Variants in INTU observed in about 807,000 individuals in gnomAD.
INTU encodes protein inturned.
INTU carries 68 observed loss-of-function variants against 100.5 expected under a neutral mutation model. The ratio of observed to expected loss-of-function variants is 0.68; its 90% CI spans 0.56 to 0.83. INTU has a LOEUF of 0.83. Ranked by LOEUF, INTU falls within the 40% of genes least tolerant of loss-of-function variation. The pLI is 0.00. For missense variants in INTU, 1,071 were observed against 1,114.7 expected (o/e 0.96, Z 0.56); for synonymous variants, 357 against 395.7 (o/e 0.90, Z 1.16).
chr4:127,645,880 A>G (rs1047372397), intron 2 of INTU, among the ~76,000 whole-genome samples: 1 of 151,880 alleles, frequency 6.6e-6, no homozygotes, highest in Non-Finnish European at 1.5e-5. Context: ...TGTTGTTTTA[A>G]GCCTCAGAAT....
intron 6 of INTU, among the ~76,000 whole-genome samples, chr4:127,678,252 G>A (rs954418692): frequency 2.0e-5 from 3 of 151,838 alleles, no homozygotes; most frequent in African/African-American, 7.3e-5. Flanking sequence ...TACAGAGAAC[G>A]CCACAAAGAT....
intron 4 of INTU, among the ~76,000 whole-genome samples, chr4:127,666,884 C>G (rs905954070): frequency 7.2e-5 from 11 of 152,052 alleles, no homozygotes; most frequent in Non-Finnish European, 1.6e-4. Context: ...CTATTTTATC[C>G]AAAAGGATGC....
intron 8 of INTU, among the ~76,000 whole-genome samples, chr4:127,696,051 G>A (rs1318195292): frequency 6.6e-6 from 1 of 151,970 alleles, no homozygotes; most frequent in African/African-American, 2.4e-5. Context: ...CCTTGGCTGT[G>A]GTGTATATTT....
intron 2 of INTU, among the ~76,000 whole-genome samples, chr4:127,653,823 G>C (rs1239044695): frequency 6.6e-6 from 1 of 151,744 alleles, no homozygotes; most frequent in Non-Finnish European, 1.5e-5. Flanking sequence ...ACAGTGGGGT[G>C]TTAAAGTCTC....
chr4:127,690,105 A>G (rs925586972), intron 8 of INTU, among the ~76,000 whole-genome samples: 9 of 152,208 alleles, frequency 5.9e-5, no homozygotes, highest in African/African-American at 1.9e-4. Context: ...ATTTAGATAC[A>G]TTAAATATTA....
Position 127,697,947 on chromosome 4 carries a change from C to A in INTU, c.1450-2063C>A, listed in dbSNP as rs1396709985. ...ACCAGCCTGACCAACATGGAGAAACCCCGTCTCTACTAAAAATACAAAATA... is the reference window on the plus strand; with the variant it reads ...ACCAGCCTGACCAACATGGAGAAACACCGTCTCTACTAAAAATACAAAATA... On this transcript the variant is annotated intron_variant, in intron 8 of 15. Transcript: ENST00000335251. 2.6e-5 allele frequency among the ~76,000 whole-genome samples: 4 copies of A among 152,138 alleles called. No homozygotes were observed. The East Asian group carries it at 7.7e-4, about 29-fold the overall frequency.
rs146704142 is a variant in INTU, at chr4:127,641,960, A to C, written c.147-1561A>C. Among the ~76,000 whole-genome samples the C allele has an allele frequency of 1.6e-3, 241 of 152,274 alleles. 1 individual carries two copies. Among genetic ancestry groups the C allele is most frequent in the African/African-American group, 5.5e-3 (227 of 41,566 alleles). On this transcript the variant is annotated intron_variant, in intron 1 of 15. Coordinates refer to ENST00000335251, the MANE Select transcript of INTU (RefSeq NM_015693.4). ...ATATCTCTAATACAAATAACTTACC[A>C]GGTTAAAAGGGTGAGATAATAAGGC...
Position 127,661,248 on chromosome 4 carries a change from A to G in INTU, c.769-2133A>G, listed in dbSNP as rs554649907. Among the ~76,000 whole-genome samples the G allele has an allele frequency of 8.5e-5, 13 of 152,286 alleles. 1 individual carries two copies. The South Asian group carries it at 2.7e-3, about 32-fold the overall frequency. On this transcript the variant is annotated intron_variant, in intron 3 of 15. Coordinates refer to ENST00000335251, the MANE Select transcript of INTU (RefSeq NM_015693.4). ...CCAAGTATAACACTAGTTTTCAAGTATGTTGTTTTTCACCAAGCATAGCAA... is the reference window on the plus strand; with the variant it reads ...CCAAGTATAACACTAGTTTTCAAGTGTGTTGTTTTTCACCAAGCATAGCAA...
At position 127,703,315 on chromosome 4, in the gene INTU, TA is replaced by T. The variant is rs545733300; in HGVS notation, c.1504-909del. Among the ~76,000 whole-genome samples, 582 of 152,318 alleles carry T rather than the reference TA, an allele frequency of 3.8e-3. 4 individuals carry two copies. The highest frequency in any genetic ancestry group is 0.014 in the Middle Eastern group (4 of 294). On this transcript the variant is annotated intron_variant, in intron 9 of 15. Transcript: ENST00000335251. ...GTTTTTTAAAAAGAAAAAAAACTTATAAAAGTAATAGCTGTGTACGGGGTGA... is the reference window on the plus strand; with the variant it reads ...GTTTTTTAAAAAGAAAAAAAACTTATAAAGTAATAGCTGTGTACGGGGTGA...
Position 127,706,902 on chromosome 4 carries a change from A to G in INTU, c.2204A>G (p.Asp735Gly). 2 of 1,613,980 alleles carry G rather than the reference A, an allele frequency of 1.2e-6. No homozygotes were observed. The highest frequency in any genetic ancestry group is 1.7e-5 in the Admixed American group (1 of 60,004). Residue 735 changes from aspartate to glycine, a missense_variant, in exon 12 of 16, where the codon GAT becomes GGT. Transcript: ENST00000335251. The stretch of plus-strand genomic sequence containing the variant: ...GGCTTTAGCCCCCATACTACACCGG[A>G]TGCAGTACGGAAGCAAAGAGAATCT... ...DDGFSPHTTPDAVRKQRESQG... is the reference protein window; with the variant it reads ...DDGFSPHTTPGAVRKQRESQG...
At position 127,632,974 on chromosome 4, in the gene INTU, C is replaced by G; in HGVS notation, c.-61C>G. The G allele has an allele frequency of 6.5e-7, 1 of 1,544,578 alleles. No individual in the cohort carries two copies. The highest frequency in any genetic ancestry group is 1.4e-5 in the African/African-American group (1 of 73,760). On this transcript the variant is annotated 5_prime_UTR_variant, in exon 1 of 16. Coordinates refer to ENST00000335251, the MANE Select transcript of INTU (RefSeq NM_015693.4). ...TCCCAAGCAGAGGCAACATGGCGGCCTTAGCAAGCTATAGCTGCGAGATTT... is the reference window on the plus strand; with the variant it reads ...TCCCAAGCAGAGGCAACATGGCGGCGTTAGCAAGCTATAGCTGCGAGATTT...
At chr4:127,663,256 A>G (rs1728549169) in intron 3 of INTU, 125 bp from the exon 4 acceptor site, 1 of 648,872 alleles carries the variant, frequency 1.5e-6, no homozygotes, top group South Asian at 2.1e-5. Flanking sequence ...AGGAGCACTC[A>G]CTCTAGGATG....
intron 8 of INTU, among the ~76,000 whole-genome samples, chr4:127,696,059 T>A (rs1248199083): frequency 2.5e-4 from 38 of 152,324 alleles, no homozygotes; most frequent in Non-Finnish European, 4.4e-5. Flanking sequence ...GTGGTGTATA[T>A]TTCTTTTTAG....
chr4:127,674,277 A>T, intron 6 of INTU, 64 bp downstream of exon 6: 1 of 1,274,128 alleles, frequency 7.8e-7, no homozygotes. Context: ...GTTTTGTTAA[A>T]ATTATTACAT....
chr4:127,716,144 G>A (rs1403903480), intron 15 of INTU, among the ~76,000 whole-genome samples, 181 bp from the exon 16 acceptor site: 1 of 152,020 alleles, frequency 6.6e-6, no homozygotes, highest in African/African-American at 2.4e-5. Flanking sequence ...ATTGACCTAA[G>A]GCATATATTA....
At chr4:127,639,180 A>T (rs1727201786) in intron 1 of INTU, among the ~76,000 whole-genome samples, 1 of 152,094 alleles carries the variant, frequency 6.6e-6, no homozygotes, top group Admixed American at 6.6e-5. Flanking sequence ...CCACTCTTCC[A>T]TTAATGTTCT....
At chr4:127,651,250 T>C (rs1322409286) in intron 2 of INTU, among the ~76,000 whole-genome samples, 26 of 152,198 alleles carry the variant, frequency 1.7e-4, no homozygotes, top group Admixed American at 1.6e-3. Flanking sequence ...ATTTTGTCTT[T>C]TGTTGCCATT....
Position 127,677,262 on chromosome 4 carries a change from T to C in INTU, c.1181+3049T>C, listed in dbSNP as rs866008890. On this transcript the variant is annotated intron_variant, in intron 6 of 15. Coordinates refer to ENST00000335251, the MANE Select transcript of INTU (RefSeq NM_015693.4). ...GAAGAGAGCAGTGGTTCTCCCAGCATGCAGCTGGAGATCTGAGAATGGGCA... is the reference window on the plus strand; with the variant it reads ...GAAGAGAGCAGTGGTTCTCCCAGCACGCAGCTGGAGATCTGAGAATGGGCA... 8.0e-4 allele frequency among the ~76,000 whole-genome samples: 122 copies of C among 152,236 alleles called. 1 individual carries two copies. Among genetic ancestry groups the C allele is most frequent in the African/African-American group, 2.5e-3 (105 of 41,492 alleles).
chr4:127,656,785 C>T, intron 3 of INTU, 64 bp downstream of exon 3: 1 of 1,030,354 alleles, frequency 9.7e-7, no homozygotes, highest in Non-Finnish European at 1.4e-6. Context: ...ATATATCGTG[C>T]ACTATTTTCC....
Sources: allele counts gnomAD v4.1 joint callset (sites outside exome capture counted in the v4.1 genomes callset), GRCh38; gene constraint gnomAD v4.1.1; transcripts MANE v1.5; gene names NCBI Gene and HGNC (gene_info 2026-07-23, HGNC 2026-07-21).